Variants in AHCYL2 observed in about 807,000 individuals in gnomAD.
AHCYL2 encodes the protein S-adenosylhomocysteine hydrolase-like protein 2.
A neutral mutation model predicts 81.4 loss-of-function variants in AHCYL2; 28 were observed. The observed-to-expected ratio is 0.34, with a 90% CI of 0.25 to 0.47. AHCYL2 has a LOEUF of 0.47. Ranked by LOEUF, AHCYL2 falls within the 20% of genes least tolerant of loss-of-function variation. AHCYL2 has a pLI of 1.00. For missense variants in AHCYL2, 551 were observed against 785.1 expected (o/e 0.70, Z 3.56); for synonymous variants, 272 against 290.2 (o/e 0.94, Z 0.64).
At chr7:129,395,400 C>G (rs1795679260) in intron 4 of AHCYL2, among the ~76,000 whole-genome samples, 8 of 152,296 alleles carry the variant, frequency 5.3e-5, no homozygotes, top group Admixed American at 5.2e-4. Context: ...CTCAATATTC[C>G]TGCCTCTCCT....
intron 1 of AHCYL2, among the ~76,000 whole-genome samples, chr7:129,267,344 G>A (rs975087445): frequency 9.9e-5 from 15 of 151,102 alleles, no homozygotes; most frequent in African/African-American, 1.9e-4. Context: ...CACTCTTGTC[G>A]CCCAGGCTGG....
intron 1 of AHCYL2, among the ~76,000 whole-genome samples, chr7:129,338,912 C>T (rs1307746642): frequency 4.6e-5 from 7 of 152,130 alleles, no homozygotes; most frequent in Non-Finnish European, 8.8e-5. Context: ...GTCCACTTTA[C>T]GATTATTTTA....
intron 1 of AHCYL2, among the ~76,000 whole-genome samples, chr7:129,268,511 C>T (rs1489407236): frequency 1.3e-5 from 2 of 152,082 alleles, no homozygotes; most frequent in South Asian, 2.1e-4. Context: ...CCATACCCGG[C>T]TAATTTTTGT....
chr7:129,413,697 A>G lies in AHCYL2; in HGVS notation c.1461+9A>G. The stretch of plus-strand genomic sequence containing the variant: ...ACACAGAGATTGACGTGGTAAGATC[A>G]AGTAGCTCATTATTGGGGGCTTTTT... On this transcript the variant is annotated intron_variant, in intron 12 of 16. Transcript: ENST00000325006. 6.2e-7 allele frequency: 1 copy of G among 1,611,974 alleles called. No homozygotes were observed. Among genetic ancestry groups the G allele is most frequent in the Non-Finnish European group, 8.5e-7 (1 of 1,178,220 alleles).
At chr7:129,373,158 T>A (rs554334625) in intron 1 of AHCYL2, among the ~76,000 whole-genome samples, 8 of 152,118 alleles carry the variant, frequency 5.3e-5, no homozygotes, top group South Asian at 2.1e-4. Flanking sequence ...ACCTAATAAT[T>A]CAAAAACTCT....
At chr7:129,360,766 A>AT (rs1399144685) in intron 1 of AHCYL2, among the ~76,000 whole-genome samples, 8 of 152,222 alleles carry the variant, frequency 5.3e-5, no homozygotes, top group Admixed American at 5.2e-4. Context: ...CAGAGTGGGA[A>AT]GGTAAGGGAA....
At chr7:129,327,790 A>G (rs749167500) in intron 1 of AHCYL2, among the ~76,000 whole-genome samples, 12 of 151,608 alleles carry the variant, frequency 7.9e-5, no homozygotes, top group Non-Finnish European at 1.8e-4. Context: ...TAATATTTTA[A>G]TTTATTATTA....
intron 12 of AHCYL2, among the ~76,000 whole-genome samples, chr7:129,415,404 G>T (rs1796795328): frequency 6.6e-6 from 1 of 152,140 alleles, no homozygotes; most frequent in Admixed American, 6.5e-5. Flanking sequence ...TGTACCTTTT[G>T]TATTTTTACT....
Position 129,340,228 on chromosome 7 carries a change from C to A in AHCYL2, c.364-39410C>A, listed in dbSNP as rs1410016315. Among the ~76,000 whole-genome samples, 30 of 148,278 alleles carry A rather than the reference C, an allele frequency of 2.0e-4. No homozygotes were observed. In the East Asian group the frequency reaches 6.2e-3, roughly 31 times the overall value. On this transcript the variant is annotated intron_variant, in intron 1 of 16. Coordinates refer to ENST00000325006, the MANE Select transcript of AHCYL2 (RefSeq NM_015328.4). Reference sequence around the variant, plus strand: ...TGAGCCACCGCGCCTGGCCCCTTTTCCTCTGTTCTTTATGACTTTCTGTCC... The same window carrying A: ...TGAGCCACCGCGCCTGGCCCCTTTTACTCTGTTCTTTATGACTTTCTGTCC...
chr7:129,269,452 A>G (rs1020532687), intron 1 of AHCYL2, among the ~76,000 whole-genome samples: 6 of 149,968 alleles, frequency 4.0e-5, no homozygotes, highest in African/African-American at 1.5e-4. Context: ...TGCCTGGCTA[A>G]TTTTTTTTTT....
chr7:129,319,461 A>G (rs1797937307), intron 1 of AHCYL2, among the ~76,000 whole-genome samples: 1 of 151,964 alleles, frequency 6.6e-6, no homozygotes, highest in South Asian at 2.1e-4. Context: ...AAAAAAAAAA[A>G]GAAAAAAGAA....
In AHCYL2 at chr7:129,258,619, C is replaced by A. The variant is rs542329972; in HGVS notation, c.363+33180C>A. ...AGCAGATAAAAATACTGACTGACTT[C>A]CAGAGAGTTCCCTGAGATACCAGGT... On this transcript the variant is annotated intron_variant, in intron 1 of 16. Transcript: ENST00000325006. Among the ~76,000 whole-genome samples, 7 of 148,832 alleles carry A rather than the reference C, an allele frequency of 4.7e-5. No individual in the cohort carries two copies. In the East Asian group the frequency reaches 1.4e-3, roughly 30 times the overall value.
chr7:129,275,034 T>G (rs557064663), intron 1 of AHCYL2, among the ~76,000 whole-genome samples: 21 of 152,220 alleles, frequency 1.4e-4, no homozygotes, highest in Admixed American at 1.4e-3. Flanking sequence ...AATAATAAAA[T>G]GATTATTGTT....
intron 2 of AHCYL2, among the ~76,000 whole-genome samples, chr7:129,384,907 T>G (rs1428337102): frequency 1.3e-5 from 2 of 152,190 alleles, no homozygotes; most frequent in African/African-American, 4.8e-5. Context: ...AAACGCTGCA[T>G]TAATCCACGA....
chr7:129,261,507 T>C (rs913536132), intron 1 of AHCYL2, among the ~76,000 whole-genome samples: 2 of 152,212 alleles, frequency 1.3e-5, no homozygotes, highest in Non-Finnish European at 2.9e-5. Context: ...GGACCTACTT[T>C]ATGTTATTTC....
intron 1 of AHCYL2, among the ~76,000 whole-genome samples, chr7:129,267,994 TAG>T (rs572965900): frequency 6.6e-6 from 1 of 151,578 alleles, no homozygotes; most frequent in Admixed American, 6.6e-5. Context: ...TGAGGGGAAA[TAG>T]AGAGAGAGGA....
chr7:129,344,319 A>G (rs978746286), intron 1 of AHCYL2, among the ~76,000 whole-genome samples: 22 of 152,218 alleles, frequency 1.4e-4, no homozygotes, highest in African/African-American at 3.9e-4. Flanking sequence ...TTGATTCATA[A>G]TGGCCCCAAA....
chr7:129,382,213 T>C (rs1316812312), intron 2 of AHCYL2, among the ~76,000 whole-genome samples: 1 of 152,170 alleles, frequency 6.6e-6, no homozygotes, highest in Non-Finnish European at 1.5e-5. Context: ...CCAAAAGTAA[T>C]GGAACTGACT....
intron 2 of AHCYL2, among the ~76,000 whole-genome samples, chr7:129,380,627 T>C (rs1003348969): frequency 6.6e-6 from 1 of 152,244 alleles, no homozygotes; most frequent in Non-Finnish European, 1.5e-5. Flanking sequence ...ATATACTTTT[T>C]ACATTTGTCT....
Sources: gnomAD v4.1 joint callset for allele counts (sites outside exome capture counted in the v4.1 genomes callset) on GRCh38, gnomAD v4.1.1 for gene constraint, MANE v1.5 for transcripts, NCBI Gene and HGNC (gene_info 2026-07-23, HGNC 2026-07-21) for gene names.